Variants in CPQ observed in about 807,000 individuals in gnomAD.
The protein encoded by CPQ is Ser-Met dipeptidase.
In CPQ, 37 loss-of-function variants were observed where a neutral mutation model predicts 45.7. That is an observed-to-expected ratio of 0.81 (90% CI 0.62 to 1.07). The LOEUF (loss-of-function observed/expected upper bound fraction) is 1.07. Among genes scored for constraint, CPQ ranks in the 50% least tolerant of loss-of-function variants. CPQ has a pLI of 0.00. For synonymous variants in CPQ, 186 were observed against 205.8 expected (o/e 0.90, Z 0.82); for missense variants, 537 against 572.9 (o/e 0.94, Z 0.64).
At chr8:96,878,672 A>G (rs1010192262) in intron 3 of CPQ, among the ~76,000 whole-genome samples, 11 of 152,196 alleles carry the variant, frequency 7.2e-5, no homozygotes, top group African/African-American at 2.7e-4. Context: ...CCAAGAATGT[A>G]GTTAGAGATA....
chr8:96,913,000 C>G (rs986263535), intron 4 of CPQ, among the ~76,000 whole-genome samples: 1 of 152,184 alleles, frequency 6.6e-6, no homozygotes, highest in African/African-American at 2.4e-5. Flanking sequence ...TATCCTCTTT[C>G]TCCTGCTCCT....
chr8:96,702,192 C>T (rs1809471030), intron 1 of CPQ, among the ~76,000 whole-genome samples: 1 of 152,162 alleles, frequency 6.6e-6, no homozygotes, highest in African/African-American at 2.4e-5. Flanking sequence ...TGGAGTACAG[C>T]AGGGAGGCAT....
intron 3 of CPQ, among the ~76,000 whole-genome samples, chr8:96,872,224 C>T (rs146301803): frequency 1.3e-5 from 2 of 152,008 alleles, no homozygotes; most frequent in East Asian, 3.9e-4. Flanking sequence ...ACCTTATATA[C>T]ATAACCTAAA....
At chr8:96,753,485 A>G (rs1187114768) in intron 1 of CPQ, among the ~76,000 whole-genome samples, 4 of 152,038 alleles carry the variant, frequency 2.6e-5, no homozygotes, top group Admixed American at 1.3e-4. Flanking sequence ...CTCCGGGAGC[A>G]TATTTTATCT....
chr8:97,067,271 G>A (rs942216892), intron 7 of CPQ, among the ~76,000 whole-genome samples: 1 of 151,992 alleles, frequency 6.6e-6, no homozygotes, highest in African/African-American at 2.4e-5. Flanking sequence ...ACTTCACAAA[G>A]TTACCTAAGC....
At chr8:97,058,305 A>G (rs1432634946) in intron 6 of CPQ, among the ~76,000 whole-genome samples, 1 of 152,178 alleles carries the variant, frequency 6.6e-6, no homozygotes, top group Admixed American at 6.5e-5. Context: ...ACTTATGGGT[A>G]GATGAACTTA....
At chr8:96,976,733 AAAACAT>A (rs1394660467) in intron 5 of CPQ, among the ~76,000 whole-genome samples, 1 of 152,152 alleles carries the variant, frequency 6.6e-6, no homozygotes, top group Non-Finnish European at 1.5e-5. Flanking sequence ...AAAGCAAACA[AAAACAT>A]AAAGTGGAGA....
intron 1 of CPQ, among the ~76,000 whole-genome samples, chr8:96,664,091 G>C (rs561101551): frequency 4.0e-4 from 61 of 152,272 alleles, no homozygotes; most frequent in Middle Eastern, 3.4e-3. Context: ...AGCAACACTT[G>C]CCACATTGTA....
chr8:96,964,314 T>C lies in CPQ; in HGVS notation c.850-1621T>C, dbSNP rs62508585. Among the ~76,000 whole-genome samples, 1,142 of 152,210 alleles carry C rather than the reference T, an allele frequency of 7.5e-3. 6 individuals are homozygous for C. Among genetic ancestry groups the C allele is most frequent in the Non-Finnish European group, 0.011 (754 of 68,006 alleles). ...AAGCCAGTTTTTCCAGGTGGTTGAATGTACTTACACTAGCAATGTACAAGA... is the reference window on the plus strand; with the variant it reads ...AAGCCAGTTTTTCCAGGTGGTTGAACGTACTTACACTAGCAATGTACAAGA... On this transcript the variant is annotated intron_variant, in intron 4 of 7. Transcript: ENST00000220763.
At chr8:96,692,110 G>T (rs1408559555) in intron 1 of CPQ, among the ~76,000 whole-genome samples, 1 of 152,078 alleles carries the variant, frequency 6.6e-6, no homozygotes, top group Non-Finnish European at 1.5e-5. Flanking sequence ...GTTAAAATTG[G>T]GTGGAATATG....
chr8:96,913,220 C>G (rs1011029359), intron 4 of CPQ, among the ~76,000 whole-genome samples: 1 of 152,214 alleles, frequency 6.6e-6, no homozygotes, highest in African/African-American at 2.4e-5. Context: ...ATGTCCCATA[C>G]ATATGGACAA....
At chr8:96,973,331 T>C (rs1813714593) in intron 5 of CPQ, among the ~76,000 whole-genome samples, 3 of 151,828 alleles carry the variant, frequency 2.0e-5, no homozygotes, top group Admixed American at 1.3e-4. Flanking sequence ...GAAAAAAGAA[T>C]GAAAAAATTG....
intron 3 of CPQ, among the ~76,000 whole-genome samples, chr8:96,878,336 T>C (rs977387547): frequency 6.6e-6 from 1 of 152,218 alleles, no homozygotes; most frequent in Admixed American, 6.5e-5. Flanking sequence ...GATTAGACAG[T>C]CTCTGCAGGG....
At chr8:96,853,096 T>C (rs780485448) in intron 3 of CPQ, among the ~76,000 whole-genome samples, 3 of 152,208 alleles carry the variant, frequency 2.0e-5, no homozygotes, top group Non-Finnish European at 4.4e-5. Context: ...TGCAAAATAT[T>C]TGATGTTCTT....
intron 2 of CPQ, among the ~76,000 whole-genome samples, chr8:96,786,767 T>C (rs1810773873): frequency 6.6e-6 from 1 of 152,178 alleles, no homozygotes; most frequent in Non-Finnish European, 1.5e-5. Flanking sequence ...ATTTCCCTAA[T>C]GACAAGTGAT....
chr8:96,984,693 G>A (rs966977493), intron 5 of CPQ, among the ~76,000 whole-genome samples: 2 of 152,168 alleles, frequency 1.3e-5, no homozygotes, highest in Admixed American at 6.6e-5. Context: ...GTTTGGCTTT[G>A]CCACTTACTG....
At chr8:96,978,605 C>T (rs1813829770) in intron 5 of CPQ, among the ~76,000 whole-genome samples, 1 of 152,272 alleles carries the variant, frequency 6.6e-6, no homozygotes. Context: ...AGAGGGCCCC[C>T]TTTTCTACAG....
At chr8:96,919,127 G>A (rs1298374090) in intron 4 of CPQ, among the ~76,000 whole-genome samples, 2 of 151,010 alleles carry the variant, frequency 1.3e-5, no homozygotes, top group Admixed American at 6.6e-5. Flanking sequence ...GATGTCTTTC[G>A]CCTTTTTTTT....
At chr8:97,041,473 T>C (rs1810124214) in intron 6 of CPQ, among the ~76,000 whole-genome samples, 1 of 152,192 alleles carries the variant, frequency 6.6e-6, no homozygotes, top group Admixed American at 6.5e-5. Flanking sequence ...GAATACCCTT[T>C]ATTTTCTTCC....
Sources: allele counts gnomAD v4.1 joint callset (sites outside exome capture counted in the v4.1 genomes callset), GRCh38; gene constraint gnomAD v4.1.1; transcripts MANE v1.5; gene names NCBI Gene and HGNC (gene_info 2026-07-23, HGNC 2026-07-21).